ME3: variants seen among roughly 807,000 people sequenced by gnomAD.
ME3 encodes malic enzyme 3.
ME3 carries 48 observed loss-of-function variants against 68.9 expected under a neutral mutation model. That is an observed-to-expected ratio of 0.70 (90% CI 0.55 to 0.89). The LOEUF (loss-of-function observed/expected upper bound fraction) is 0.89. Among genes scored for constraint, ME3 ranks in the 40% least tolerant of loss-of-function variants. The probability of loss-of-function intolerance (pLI) is 0.00; values close to 1 mark genes in which losing one functional copy is unlikely to be tolerated. For synonymous variants in ME3, 320 were observed against 318.8 expected (o/e 1.00, Z -0.04); for missense variants, 675 against 797.4 (o/e 0.85, Z 1.85).
rs1324697588 is a variant in ME3, at chr11:86,527,605, A to T, written c.468-18738T>A. Among the ~76,000 whole-genome samples the T allele has an allele frequency of 2.0e-5, 3 of 152,204 alleles. No individual in the cohort carries two copies. The East Asian group carries it at 5.8e-4, about 29-fold the overall frequency. On this transcript the variant is annotated intron_variant, in intron 4 of 14. Transcript: ENST00000543262. ...GAAAAAATGTTGAGGGCAGCCAGAG[A>T]GAAAGGTTGGGTTACCCACAAAGGG...
intron 6 of ME3, among the ~76,000 whole-genome samples, chr11:86,496,193 G>A (rs1459593930): frequency 2.6e-5 from 4 of 152,154 alleles, no homozygotes; most frequent in Non-Finnish European, 5.9e-5. Context: ...ATCACTTGAG[G>A]TCAGGAGTTT....
At chr11:86,528,443 T>C (rs993001185) in intron 4 of ME3, among the ~76,000 whole-genome samples, 2 of 152,122 alleles carry the variant, frequency 1.3e-5, no homozygotes, top group African/African-American at 2.4e-5. Context: ...ATTAGACAGA[T>C]CAATGAGACA....
At chr11:86,537,162 G>T (rs1955731992) in intron 4 of ME3, among the ~76,000 whole-genome samples, 1 of 150,172 alleles carries the variant, frequency 6.7e-6, no homozygotes. Flanking sequence ...GGGAGGGATA[G>T]CATTGGGAGA....
At chr11:86,450,024 A>G (rs768395837) in intron 9 of ME3, 22 bp from the exon 10 acceptor site, 2 of 1,550,632 alleles carry the variant, frequency 1.3e-6, no homozygotes, top group Admixed American at 1.8e-5. Flanking sequence ...CATAGGGTAG[A>G]TGTTCAGACA....
At chr11:86,542,968 C>T (rs1956138465) in intron 4 of ME3, among the ~76,000 whole-genome samples, 1 of 152,172 alleles carries the variant, frequency 6.6e-6, no homozygotes, top group Non-Finnish European at 1.5e-5. Context: ...TGCAGAAACC[C>T]TACATGCCAG....
At chr11:86,491,836 CCATGTATTA>C (rs1952029432) in intron 6 of ME3, among the ~76,000 whole-genome samples, 1 of 152,116 alleles carries the variant, frequency 6.6e-6, no homozygotes, top group Non-Finnish European at 1.5e-5. Context: ...TAAGTGTGAC[CCATGTATTA>C]CATGGAACAC....
At chr11:86,487,849 T>A (rs551302037) in intron 6 of ME3, among the ~76,000 whole-genome samples, 1 of 152,216 alleles carries the variant, frequency 6.6e-6, no homozygotes, top group African/African-American at 2.4e-5. Context: ...CTCTAGCCAC[T>A]AGATGCCAGT....
At position 86,648,493 on chromosome 11, in the gene ME3, G is replaced by A. The variant is rs188698971; in HGVS notation, c.183+23269C>T. 3.9e-3 allele frequency among the ~76,000 whole-genome samples: 517 copies of A among 134,140 alleles called. 3 individuals carry two copies. Among genetic ancestry groups the A allele is most frequent in the South Asian group, 0.035 (137 of 3,930 alleles). The allele number at this position is 134,140 out of a possible 152,430, so 88.0% of individuals were successfully genotyped here. A position where few individuals can be genotyped will look rare whatever the true frequency, so the allele number is the denominator to read the frequency against. The stretch of plus-strand genomic sequence containing the variant: ...CTAAGATAAGAACAGAACTGAAGGA[G>A]ATAGAGACACAAAAAACCTTTCAAA... On this transcript the variant is annotated intron_variant, in intron 2 of 14. Coordinates refer to ENST00000543262, the Ensembl canonical transcript of ME3.
intron 2 of ME3, among the ~76,000 whole-genome samples, chr11:86,632,754 GT>G (rs1265663889): frequency 1.3e-5 from 2 of 152,230 alleles, no homozygotes; most frequent in Non-Finnish European, 2.9e-5. Context: ...CCCAGGTGCA[GT>G]GAGTGATACT....
intron 8 of ME3, among the ~76,000 whole-genome samples, chr11:86,458,738 G>A (rs1243508299): frequency 6.6e-6 from 1 of 152,086 alleles, no homozygotes; most frequent in Non-Finnish European, 1.5e-5. Flanking sequence ...GTGTGTAGTG[G>A]TGGTGGTGGG....
intron 4 of ME3, among the ~76,000 whole-genome samples, chr11:86,555,812 A>G (rs1387255083): frequency 1.3e-5 from 2 of 152,252 alleles, no homozygotes; most frequent in Non-Finnish European, 2.9e-5. Context: ...TGTAAATTAC[A>G]TATCTGTGCA....
At position 86,650,159 on chromosome 11, in the gene ME3, C is replaced by G. The variant is rs181890882; in HGVS notation, c.183+21603G>C. Among the ~76,000 whole-genome samples, 4 of 152,298 alleles carry G rather than the reference C, an allele frequency of 2.6e-5. No homozygotes were observed. The East Asian group carries it at 7.7e-4, about 29-fold the overall frequency. On this transcript the variant is annotated intron_variant, in intron 2 of 14. Coordinates refer to ENST00000543262, the Ensembl canonical transcript of ME3. ...AGACCTCAGAAATAATACCACATAT[C>G]TACAACCATCTGATCTTTGACAAAC...
chr11:86,559,709 G>T, exon 3 of ME3: 5 of 1,613,702 alleles, frequency 3.1e-6, no homozygotes, highest in Non-Finnish European at 4.2e-6. Context: ...TCACTCTGCT[G>T]CCGCTCGTAA....
At chr11:86,581,471 A>C (rs1044614303) in intron 2 of ME3, among the ~76,000 whole-genome samples, 1 of 152,202 alleles carries the variant, frequency 6.6e-6, no homozygotes, top group South Asian at 2.1e-4. Context: ...AAAATAACTC[A>C]TAATGTGTGT....
intron 2 of ME3, among the ~76,000 whole-genome samples, chr11:86,602,033 A>G (rs1367103651): frequency 6.7e-6 from 1 of 149,876 alleles, no homozygotes; most frequent in Non-Finnish European, 1.5e-5. Context: ...ATTCCCTTTG[A>G]AAACTGGCAC....
chr11:86,559,644 G>T (rs373200511), intron 3 of ME3, 46 bp downstream of exon 3: 438 of 1,570,038 alleles, frequency 2.8e-4, no homozygotes, highest in Non-Finnish European at 3.2e-4. Context: ...GAAACAGACA[G>T]CTCAGCCCAA....
At chr11:86,441,374 A>G (rs755471748) in exon 15 of ME3, 3 of 1,613,318 alleles carry the variant, frequency 1.9e-6, no homozygotes, top group Non-Finnish European at 2.5e-6. Flanking sequence ...GATCTTACAA[A>G]AGCCTCCTTG....
At chr11:86,620,383 TTC>T (rs1943270155) in intron 2 of ME3, among the ~76,000 whole-genome samples, 1 of 152,228 alleles carries the variant, frequency 6.6e-6, no homozygotes, top group South Asian at 2.1e-4. Flanking sequence ...TTTCTATTTC[TTC>T]TCTTATTGAA....
chr11:86,485,066 A>G (rs1951610287), intron 7 of ME3, among the ~76,000 whole-genome samples: 1 of 152,142 alleles, frequency 6.6e-6, no homozygotes, highest in Non-Finnish European at 1.5e-5. Flanking sequence ...GTGACAGGGA[A>G]CTCATTCCCA....
Sources: gnomAD v4.1 joint callset for allele counts (sites outside exome capture counted in the v4.1 genomes callset) on GRCh38, gnomAD v4.1.1 for gene constraint, MANE v1.5 for transcripts, NCBI Gene and HGNC (gene_info 2026-07-23, HGNC 2026-07-21) for gene names.